L3MBTL4: variants seen among roughly 807,000 people sequenced by gnomAD.
L3MBTL4 encodes lethal(3)malignant brain tumor-like protein 4.
In L3MBTL4, 70 loss-of-function variants were observed where a neutral mutation model predicts 84.5. That is an observed-to-expected ratio of 0.83 (90% confidence interval 0.68 to 1.01). L3MBTL4 has a LOEUF of 1.01. Ranked by LOEUF, L3MBTL4 falls within the 50% of genes least tolerant of loss-of-function variation. The probability of loss-of-function intolerance (pLI) is 0.00; values close to 1 mark genes in which losing one functional copy is unlikely to be tolerated. For synonymous variants in L3MBTL4, 274 were observed against 259.8 expected (o/e 1.05, Z -0.52); for missense variants, 715 against 754.8 (o/e 0.95, Z 0.62).
chr18:6,286,072 C>T (rs547113448), intron 4 of L3MBTL4, among the ~76,000 whole-genome samples: 9 of 151,526 alleles, frequency 5.9e-5, no homozygotes, highest in South Asian at 2.1e-4. Flanking sequence ...CCTCGTGATC[C>T]GCCCGCCTCG....
intron 15 of L3MBTL4, among the ~76,000 whole-genome samples, chr18:6,090,629 TTTC>T (rs1410590005): frequency 2.6e-5 from 3 of 114,684 alleles, no homozygotes; most frequent in Non-Finnish European, 5.0e-5. Context: ...CACACATATA[TTTC>T]TTTTTTTTTT....
intron 12 of L3MBTL4, among the ~76,000 whole-genome samples, chr18:6,210,795 T>C (rs1650482951): frequency 1.3e-5 from 2 of 152,230 alleles, no homozygotes. Context: ...AACTTCCTGC[T>C]TTTTGAACCA....
intron 16 of L3MBTL4, among the ~76,000 whole-genome samples, chr18:5,980,016 C>T (rs74345686): frequency 0.03 from 4,624 of 152,314 alleles, 207 homozygotes; most frequent in African/African-American, 0.1. Flanking sequence ...AACAGGGCTG[C>T]TGCTCACCCT....
chr18:6,279,383 G>A (rs761484421), intron 4 of L3MBTL4, among the ~76,000 whole-genome samples: 1 of 152,024 alleles, frequency 6.6e-6, no homozygotes, highest in East Asian at 1.9e-4. Context: ...TCACTTGAAC[G>A]TCAGATGGGT....
At chr18:6,145,101 A>G (rs542474415) in intron 13 of L3MBTL4, among the ~76,000 whole-genome samples, 1 of 152,328 alleles carries the variant, frequency 6.6e-6, no homozygotes, top group South Asian at 2.1e-4. Context: ...ATTGTCCTTA[A>G]AAGAAAACAC....
At chr18:5,980,174 C>T (rs2053144608) in intron 16 of L3MBTL4, among the ~76,000 whole-genome samples, 1 of 152,336 alleles carries the variant, frequency 6.6e-6, no homozygotes, top group South Asian at 2.1e-4. Context: ...GGGGTGCTCT[C>T]AGGGCCAAGT....
chr18:6,067,461 G>T (rs1380613098), intron 16 of L3MBTL4, among the ~76,000 whole-genome samples: 1 of 152,070 alleles, frequency 6.6e-6, no homozygotes, highest in Non-Finnish European at 1.5e-5. Context: ...CATTTTACAT[G>T]ATCCCATATT....
chr18:5,983,435 C>T (rs755767890), intron 16 of L3MBTL4, among the ~76,000 whole-genome samples: 1 of 152,108 alleles, frequency 6.6e-6, no homozygotes, highest in Non-Finnish European at 1.5e-5. Context: ...AACCCCAACA[C>T]AACCCTTTTC....
intron 16 of L3MBTL4, among the ~76,000 whole-genome samples, chr18:6,078,596 A>G (rs2143172884): frequency 6.6e-6 from 1 of 152,298 alleles, no homozygotes; most frequent in Admixed American, 6.5e-5. Flanking sequence ...CAGCCACGTT[A>G]GAACGAAAGC....
At chr18:6,070,823 G>A (rs1470400410) in intron 16 of L3MBTL4, among the ~76,000 whole-genome samples, 6 of 152,096 alleles carry the variant, frequency 3.9e-5, no homozygotes, top group African/African-American at 7.2e-5. Context: ...GGGTGACAGA[G>A]TGAAACCCTG....
At chr18:6,216,934 C>A (rs1404383175) in intron 10 of L3MBTL4, among the ~76,000 whole-genome samples, 4 of 151,928 alleles carry the variant, frequency 2.6e-5, no homozygotes, top group Non-Finnish European at 4.4e-5. Context: ...AAAATAGAGT[C>A]AACAATTTTT....
chr18:5,969,487 C>T lies in L3MBTL4; in HGVS notation c.1520G>A (p.Arg507Gln), dbSNP rs370465816. ...TTGCTCCCTGCCGAGGGGAAGGTCC[C>T]GAAAAGGGTGGGCTGACACCGTGGA... Reference protein sequence around the residue: ...SMSTVSAHPFRDLPLGREQHC... With the variant: ...SMSTVSAHPFQDLPLGREQHC... The change falls in exon 17 of 19, where the codon CGG becomes CAG. Residue 507 changes from arginine to glutamine, a missense_variant. Physicochemically the swap from Arg to Gln is conservative, Grantham distance 43. Transcript: ENST00000317931. The T allele has an allele frequency of 3.5e-5, 56 of 1,613,936 alleles. No individual in the cohort carries two copies. Among genetic ancestry groups the T allele is most frequent in the African/African-American group, 1.9e-4 (14 of 74,992 alleles).
At chr18:6,099,585 AATATATATATATAT>A (rs36091567) in intron 14 of L3MBTL4, among the ~76,000 whole-genome samples, 2 of 64,700 alleles carry the variant, frequency 3.1e-5, no homozygotes, top group Non-Finnish European at 4.1e-5. Flanking sequence ...AGATAATGTA[AATATATATATATAT>A]ATATATATGG....
intron 1 of L3MBTL4, among the ~76,000 whole-genome samples, chr18:6,398,191 A>G (rs1282447110): frequency 6.6e-6 from 1 of 152,204 alleles, no homozygotes; most frequent in Non-Finnish European, 1.5e-5. Flanking sequence ...ACAAAAAGAA[A>G]AAGTTGGCAA....
At chr18:5,969,840 A>G (rs561591881) in intron 16 of L3MBTL4, among the ~76,000 whole-genome samples, 3 of 152,224 alleles carry the variant, frequency 2.0e-5, no homozygotes, top group Non-Finnish European at 4.4e-5. Context: ...TTGATGGCCA[A>G]TGAAGGGCTC....
intron 5 of L3MBTL4, among the ~76,000 whole-genome samples, chr18:6,252,580 T>C (rs1278319154): frequency 2.6e-5 from 4 of 152,194 alleles, no homozygotes; most frequent in Non-Finnish European, 5.9e-5. Flanking sequence ...CCCTTCTGTC[T>C]TGTTAAAAAT....
At chr18:6,366,999 A>G (rs1010401351) in intron 1 of L3MBTL4, among the ~76,000 whole-genome samples, 1 of 152,328 alleles carries the variant, frequency 6.6e-6, no homozygotes, top group East Asian at 1.9e-4. Flanking sequence ...CAAGCAGGGC[A>G]CAAAACACAA....
intron 13 of L3MBTL4, among the ~76,000 whole-genome samples, chr18:6,142,017 T>C (rs918104026): frequency 5.9e-5 from 9 of 152,370 alleles, no homozygotes; most frequent in Admixed American, 3.9e-4. Flanking sequence ...ATTTGCATGC[T>C]GGCAAGAACA....
intron 1 of L3MBTL4, among the ~76,000 whole-genome samples, chr18:6,364,533 C>T (rs996236039): frequency 6.6e-6 from 1 of 151,984 alleles, no homozygotes; most frequent in African/African-American, 2.4e-5. Context: ...AACCTAAAAG[C>T]TTTATTGTTA....
Sources: allele counts gnomAD v4.1 joint callset (sites outside exome capture counted in the v4.1 genomes callset), GRCh38; gene constraint gnomAD v4.1.1; transcripts MANE v1.5; gene names NCBI Gene and HGNC (gene_info 2026-07-23, HGNC 2026-07-21).